The following WWOX variants were observed in gnomAD, a reference collection of about 807,000 sequenced individuals.
The protein encoded by WWOX is WW domain containing oxidoreductase, also known as WW domain-containing oxidoreductase.
WWOX carries 69 observed loss-of-function variants against 46.2 expected under a neutral mutation model. The observed-to-expected ratio is 1.49, with a 90% CI of 1.23 to 1.82. The LOEUF (loss-of-function observed/expected upper bound fraction) is 1.82, where lower values mean the gene tolerates loss of function less well. Ranked by LOEUF, WWOX falls within the 40% of genes most tolerant of loss-of-function variation. WWOX has a pLI of 0.00. For synonymous variants in WWOX, 359 were observed against 202.6 expected (o/e 1.77, Z -6.56); for missense variants, 919 against 542.6 (o/e 1.69, Z -6.89).
intron 8 of WWOX, among the ~76,000 whole-genome samples, chr16:78,791,301 T>G (rs1389364958): frequency 1.3e-5 from 2 of 152,106 alleles, no homozygotes; most frequent in South Asian, 2.1e-4. Context: ...TCTGGTGATG[T>G]GCTGGGTGTT....
At chr16:78,269,780 G>A (rs1025030436) in intron 5 of WWOX, among the ~76,000 whole-genome samples, 5 of 152,074 alleles carry the variant, frequency 3.3e-5, no homozygotes, top group Non-Finnish European at 7.3e-5. Flanking sequence ...AATACTTTCC[G>A]AGGCCGACAT....
Position 78,713,857 on chromosome 16 carries a change from C to A in WWOX, c.1056+281105C>A, listed in dbSNP as rs533741703. On this transcript the variant is annotated intron_variant, in intron 8 of 8. Transcript: ENST00000566780. Reference sequence around the variant, plus strand: ...CCATTCTCTGGGGAAACAGATACCTCCGCCAGGGTCCTGATCTGAATATGA... The same window carrying A: ...CCATTCTCTGGGGAAACAGATACCTACGCCAGGGTCCTGATCTGAATATGA... Among the ~76,000 whole-genome samples, 5 of 152,302 alleles carry A rather than the reference C, an allele frequency of 3.3e-5. No homozygotes were observed. The East Asian group carries it at 5.8e-4, about 18-fold the overall frequency.
intron 8 of WWOX, among the ~76,000 whole-genome samples, chr16:79,114,611 C>T (rs2049477819): frequency 6.6e-6 from 1 of 152,070 alleles, no homozygotes. Flanking sequence ...GCCAGAGACA[C>T]CTTGAATTCA....
In WWOX at chr16:78,657,962, C is replaced by G. The variant is rs2550631; in HGVS notation, c.1056+225210C>G. ...TTGTTCTCACCTTGGGAAGTGGACT[C>G]AGAGGCCAAGTGACTTTGATTTTTC... On this transcript the variant is annotated intron_variant, in intron 8 of 8. Transcript: ENST00000566780. Among the ~76,000 whole-genome samples the G allele has an allele frequency of 2.7e-3, 405 of 152,208 alleles. 2 individuals carry two copies. The highest frequency in any genetic ancestry group is 4.5e-3 in the Non-Finnish European group (303 of 68,010).
chr16:78,365,701 T>C (rs2081521054), intron 5 of WWOX, among the ~76,000 whole-genome samples: 1 of 152,216 alleles, frequency 6.6e-6, no homozygotes, highest in Non-Finnish European at 1.5e-5. Flanking sequence ...AGAAATAGCC[T>C]CATTAGTAAC....
intron 8 of WWOX, among the ~76,000 whole-genome samples, chr16:78,719,302 C>T (rs1415439453): frequency 6.6e-6 from 1 of 152,222 alleles, no homozygotes; most frequent in East Asian, 1.9e-4. Flanking sequence ...GGAGCCTTCC[C>T]TGTGGAAGCC....
At chr16:79,054,602 C>A (rs948376425) in intron 8 of WWOX, among the ~76,000 whole-genome samples, 1 of 152,042 alleles carries the variant, frequency 6.6e-6, no homozygotes, top group Non-Finnish European at 1.5e-5. Flanking sequence ...TGGGAAGATC[C>A]CTTGAGTCCA....
At chr16:79,071,662 G>A (rs1203098665) in intron 8 of WWOX, among the ~76,000 whole-genome samples, 1 of 152,232 alleles carries the variant, frequency 6.6e-6, no homozygotes, top group Non-Finnish European at 1.5e-5. Context: ...CCACTCTTGG[G>A]TCTTTCTTGG....
Position 78,338,720 on chromosome 16 carries a change from C to G in WWOX, c.517-48140C>G, listed in dbSNP as rs969403248. 4.7e-4 allele frequency among the ~76,000 whole-genome samples: 57 copies of G among 121,568 alleles called. 9 individuals carry two copies. Among genetic ancestry groups the G allele is most frequent in the African/African-American group, 1.5e-3 (55 of 36,060 alleles). 79.8% of individuals were successfully genotyped at this position (121,568 alleles called of 152,430 possible). Reference sequence around the variant, plus strand: ...TAATTTAAGCCTAATATGTGATTGTCTACATGTTTACAAGTTACCGCCTTT... The same window carrying G: ...TAATTTAAGCCTAATATGTGATTGTGTACATGTTTACAAGTTACCGCCTTT... On this transcript the variant is annotated intron_variant, in intron 5 of 8. Transcript: ENST00000566780.
chr16:78,198,778 T>G (rs2036139220), intron 5 of WWOX, among the ~76,000 whole-genome samples: 2 of 152,136 alleles, frequency 1.3e-5, no homozygotes, highest in African/African-American at 4.8e-5. Flanking sequence ...TGTCAATATG[T>G]AAACATTTTA....
chr16:78,702,046 A>ATATAT (rs2048232458), intron 8 of WWOX, among the ~76,000 whole-genome samples: 1 of 91,438 alleles, frequency 1.1e-5, no homozygotes, highest in African/African-American at 4.7e-5. Context: ...TATATATATA[A>ATATAT]AATAATGCAG....
chr16:78,646,600 G>A (rs1485130610), intron 8 of WWOX, among the ~76,000 whole-genome samples: 2 of 152,006 alleles, frequency 1.3e-5, no homozygotes, highest in African/African-American at 4.8e-5. Flanking sequence ...GCTAATTTTT[G>A]TCTTTTTAGT....
chr16:79,075,249 A>T (rs1339044658), intron 8 of WWOX, among the ~76,000 whole-genome samples: 1 of 152,234 alleles, frequency 6.6e-6, no homozygotes, highest in African/African-American at 2.4e-5. Flanking sequence ...CTGGCAGAAT[A>T]GTAGCAGAGT....
intron 8 of WWOX, among the ~76,000 whole-genome samples, chr16:78,756,134 C>A (rs529138376): frequency 6.6e-6 from 1 of 152,140 alleles, no homozygotes; most frequent in African/African-American, 2.4e-5. Flanking sequence ...ATATAAAACA[C>A]GAACGGGGAT....
intron 8 of WWOX, among the ~76,000 whole-genome samples, chr16:79,092,432 G>C (rs2048981255): frequency 2.0e-5 from 3 of 152,100 alleles, no homozygotes; most frequent in African/African-American, 7.2e-5. Context: ...AACATGATTG[G>C]TTCCTCATGG....
intron 8 of WWOX, among the ~76,000 whole-genome samples, chr16:78,956,478 C>G (rs894370440): frequency 2.0e-5 from 3 of 152,102 alleles, no homozygotes; most frequent in Non-Finnish European, 4.4e-5. Context: ...ATTGATTAAT[C>G]TACAATGACA....
At chr16:78,542,007 A>G (rs981991464) in intron 8 of WWOX, among the ~76,000 whole-genome samples, 24 of 140,774 alleles carry the variant, frequency 1.7e-4, no homozygotes, top group Non-Finnish European at 3.7e-4. Flanking sequence ...GTTTCTTTCA[A>G]CAGAGTATAC....
intron 8 of WWOX, among the ~76,000 whole-genome samples, chr16:79,006,250 C>G (rs1359101048): frequency 6.6e-6 from 1 of 152,078 alleles, no homozygotes; most frequent in South Asian, 2.1e-4. Flanking sequence ...ATGAGTTGCA[C>G]AAAGAGGAGA....
At chr16:78,984,289 A>T (rs1478295916) in intron 8 of WWOX, among the ~76,000 whole-genome samples, 1 of 152,104 alleles carries the variant, frequency 6.6e-6, no homozygotes, top group Non-Finnish European at 1.5e-5. Flanking sequence ...AATTCTTAGG[A>T]GCTTTATCAG....
Sources: gnomAD v4.1 joint callset for allele counts (sites outside exome capture counted in the v4.1 genomes callset) on GRCh38, gnomAD v4.1.1 for gene constraint, MANE v1.5 for transcripts, NCBI Gene and HGNC (gene_info 2026-07-23, HGNC 2026-07-21) for gene names.